Variants in DLG2 observed in about 807,000 individuals in gnomAD.
DLG2 encodes the protein disks large homolog 2.
DLG2 carries 45 observed loss-of-function variants against 132.5 expected under a neutral mutation model. The observed-to-expected ratio is 0.34, with a 90% CI of 0.27 to 0.44. The LOEUF is 0.44. Ranked by LOEUF, DLG2 falls within the 20% of genes least tolerant of loss-of-function variation. The probability of loss-of-function intolerance (pLI) is 1.00; values close to 1 mark genes in which losing one functional copy is unlikely to be tolerated. For synonymous variants in DLG2, 424 were observed against 419.6 expected, an observed-to-expected ratio of 1.01 and a Z score of -0.13; for missense variants, 1,045 against 1,196.9, an observed-to-expected ratio of 0.87 and a Z score of 1.87.
intron 8 of DLG2, among the ~76,000 whole-genome samples, chr11:84,184,440 G>A (rs1329615767): frequency 6.6e-6 from 1 of 151,662 alleles, no homozygotes; most frequent in Non-Finnish European, 1.5e-5. Flanking sequence ...TTGTAAATTT[G>A]TTTGAGTTCA....
intron 6 of DLG2, among the ~76,000 whole-genome samples, chr11:85,087,844 C>CAAAAAAAAAAAAAAAAA (rs71465019): frequency 8.2e-4 from 18 of 22,050 alleles, no homozygotes; most frequent in South Asian, 2.2e-3. Flanking sequence ...GACTCCGTCT[C>CAAAAAAAAAAAAAAAAA]AAAAAAAAAA....
At chr11:84,802,958 C>A (rs994335874) in intron 6 of DLG2, among the ~76,000 whole-genome samples, 3 of 152,074 alleles carry the variant, frequency 2.0e-5, no homozygotes, top group African/African-American at 7.2e-5. Context: ...TACCACCACA[C>A]CTGGCTAATT....
chr11:85,351,619 G>A (rs780901152), intron 3 of DLG2, among the ~76,000 whole-genome samples: 1 of 152,158 alleles, frequency 6.6e-6, no homozygotes, highest in Non-Finnish European at 1.5e-5. Flanking sequence ...TTAGCATGAA[G>A]AGCTATTGAA....
chr11:84,712,511 T>C (rs1016423835), intron 6 of DLG2, among the ~76,000 whole-genome samples: 1 of 152,062 alleles, frequency 6.6e-6, no homozygotes, highest in East Asian at 1.9e-4. Flanking sequence ...ATTCTTCTTT[T>C]TGTAGCATTA....
chr11:85,437,933 T>A (rs1384680423), intron 3 of DLG2, among the ~76,000 whole-genome samples: 1 of 152,192 alleles, frequency 6.6e-6, no homozygotes, highest in African/African-American at 2.4e-5. Flanking sequence ...CCTATTTGTG[T>A]TGCTATAAAG....
At chr11:85,047,842 C>T (rs934153100) in intron 6 of DLG2, among the ~76,000 whole-genome samples, 1 of 151,780 alleles carries the variant, frequency 6.6e-6, no homozygotes, top group Non-Finnish European at 1.5e-5. Context: ...AAAAAATCAC[C>T]AGTAAATGTC....
chr11:83,837,738 A>AAAAAAAAAAAAAAAAAAAAG (rs2056604147), intron 16 of DLG2, among the ~76,000 whole-genome samples: 1 of 150,286 alleles, frequency 6.7e-6, no homozygotes, highest in Non-Finnish European at 1.5e-5. Flanking sequence ...AAAAAAAAAA[A>AAAAAAAAAAAAAAAAAAAAG]AAAAAAAAAG....
chr11:84,562,286 T>G (rs538358889), intron 6 of DLG2, among the ~76,000 whole-genome samples: 2 of 152,166 alleles, frequency 1.3e-5, no homozygotes, highest in Non-Finnish European at 2.9e-5. Context: ...TGACTGCCTA[T>G]GTCTCTACCC....
chr11:83,842,334 G>A (rs937097855), intron 16 of DLG2, among the ~76,000 whole-genome samples: 1 of 152,080 alleles, frequency 6.6e-6, no homozygotes, highest in East Asian at 1.9e-4. Context: ...GGTGGCTCAC[G>A]CCTGTAATCC....
At chr11:84,193,409 C>G (rs2096453774) in intron 8 of DLG2, among the ~76,000 whole-genome samples, 1 of 152,132 alleles carries the variant, frequency 6.6e-6, no homozygotes, top group Non-Finnish European at 1.5e-5. Flanking sequence ...ATAATTAAAA[C>G]AGGAACTCTG....
chr11:84,973,118 C>T (rs1359708145), intron 6 of DLG2, among the ~76,000 whole-genome samples: 1 of 151,946 alleles, frequency 6.6e-6, no homozygotes, highest in African/African-American at 2.4e-5. Flanking sequence ...CCACCACACC[C>T]ACCTAATTTT....
Position 83,517,832 on chromosome 11 carries a change from A to G in DLG2, c.2193+14876T>C, listed in dbSNP as rs200704937. Among the ~76,000 whole-genome samples, 11 of 152,316 alleles carry G rather than the reference A, an allele frequency of 7.2e-5. No homozygotes were observed. In the East Asian group the frequency reaches 2.1e-3, roughly 29 times the overall value. On this transcript the variant is annotated intron_variant, in intron 21 of 27. Transcript: ENST00000376104. ...GTATCAGCAGCAGAGGCTGCAGAAC[A>G]GCGGATATTGGTGAACAGCAAATGT...
chr11:85,134,780 A>G (rs2076035788), intron 5 of DLG2, among the ~76,000 whole-genome samples: 1 of 152,128 alleles, frequency 6.6e-6, no homozygotes, highest in African/African-American at 2.4e-5. Flanking sequence ...CTGAGGAAAA[A>G]AAGAAGAAAA....
intron 19 of DLG2, among the ~76,000 whole-genome samples, chr11:83,574,286 C>T (rs949977075): frequency 6.6e-6 from 1 of 152,064 alleles, no homozygotes; most frequent in African/African-American, 2.4e-5. Context: ...ATGATGTAGA[C>T]ATACTTCAAT....
intron 4 of DLG2, among the ~76,000 whole-genome samples, chr11:85,200,597 C>T (rs1055115287): frequency 2.0e-5 from 3 of 152,098 alleles, no homozygotes; most frequent in African/African-American, 7.2e-5. Context: ...ATGAATATTT[C>T]TCTGAGCCAA....
intron 6 of DLG2, among the ~76,000 whole-genome samples, chr11:84,711,864 T>G (rs1199519967): frequency 6.6e-6 from 1 of 152,000 alleles, no homozygotes; most frequent in Non-Finnish European, 1.5e-5. Flanking sequence ...ACACATAAAG[T>G]TAACCACCAC....
At chr11:85,300,783 C>T (rs1490656248) in intron 3 of DLG2, among the ~76,000 whole-genome samples, 1 of 152,028 alleles carries the variant, frequency 6.6e-6, no homozygotes, top group East Asian at 1.9e-4. Flanking sequence ...GGAGGAAGAA[C>T]ATTCAACTGA....
intron 4 of DLG2, among the ~76,000 whole-genome samples, chr11:85,254,983 A>T (rs543043653): frequency 1.3e-5 from 2 of 151,170 alleles, no homozygotes; most frequent in Non-Finnish European, 2.9e-5. Context: ...TGGGCAACAG[A>T]GCAAGACTCC....
At chr11:83,791,183 T>C (rs1268850171) in intron 17 of DLG2, 1 of 639,898 alleles carries the variant, frequency 1.6e-6, no homozygotes, top group Non-Finnish European at 2.8e-6. Flanking sequence ...ACTGCAGTGA[T>C]GGCTGCGGAG....
Sources: allele counts gnomAD v4.1 joint callset (sites outside exome capture counted in the v4.1 genomes callset), GRCh38; gene constraint gnomAD v4.1.1; transcripts MANE v1.5; gene names NCBI Gene and HGNC (gene_info 2026-07-23, HGNC 2026-07-21).